Variants in FERMT2 observed in about 807,000 individuals in gnomAD.
The protein encoded by FERMT2 is fermitin family homolog 2.
FERMT2 carries 15 observed loss-of-function variants against 82.7 expected under a neutral mutation model. The ratio of observed to expected loss-of-function variants is 0.18; its 90% CI spans 0.12 to 0.28. The LOEUF is 0.28. Ranked by LOEUF, FERMT2 falls within the 10% of genes least tolerant of loss-of-function variation. FERMT2 has a pLI of 1.00. For synonymous variants in FERMT2, 274 were observed against 271.5 expected, an observed-to-expected ratio of 1.01 and a Z score of -0.09; for missense variants, 645 against 809.4, an observed-to-expected ratio of 0.80 and a Z score of 2.46.
At chr14:52,932,482 C>A (rs1333972028) in intron 2 of FERMT2, among the ~76,000 whole-genome samples, 2 of 152,130 alleles carry the variant, frequency 1.3e-5, no homozygotes, top group African/African-American at 4.8e-5. Flanking sequence ...CACAGACAAA[C>A]TCAAAGAGGT....
At chr14:52,861,469 TTA>T (rs537640805) in intron 12 of FERMT2, 25 of 159,490 alleles carry the variant, frequency 1.6e-4, no homozygotes, top group Non-Finnish European at 2.9e-4. Context: ...CTTCTCAGAT[TTA>T]GTCAGATAAT....
intron 3 of FERMT2, among the ~76,000 whole-genome samples, chr14:52,894,498 T>TA (rs1887138974): frequency 2.0e-5 from 3 of 152,112 alleles, no homozygotes; most frequent in African/African-American, 4.8e-5. Flanking sequence ...TTGGACGACT[T>TA]ACACTAACTG....
chr14:52,860,617 C>T (rs2140048635), intron 12 of FERMT2, 152 bp from the exon 13 acceptor site: 1 of 661,604 alleles, frequency 1.5e-6, no homozygotes. Flanking sequence ...CATTTGGACA[C>T]TGTAATAATG....
intron 7 of FERMT2, among the ~76,000 whole-genome samples, 156 bp downstream of exon 7, chr14:52,878,426 G>T (rs1886097785): frequency 6.6e-6 from 1 of 152,138 alleles, no homozygotes; most frequent in South Asian, 2.1e-4. Context: ...AAACTAAAAT[G>T]TATTTGTTTT....
At chr14:52,872,959 G>T (rs750540329) in intron 9 of FERMT2, 36 bp from the exon 10 acceptor site, 1 of 1,601,858 alleles carries the variant, frequency 6.2e-7, no homozygotes, top group Non-Finnish European at 8.5e-7. Context: ...AAAATCACTT[G>T]GAAGTAACTT....
chr14:52,887,490 AAAAG>A (rs1886681123), intron 4 of FERMT2, among the ~76,000 whole-genome samples: 3 of 152,164 alleles, frequency 2.0e-5, no homozygotes, highest in Admixed American at 6.5e-5. Context: ...CCTTAAAAAA[AAAAG>A]AAAGAAAAAA....
At chr14:52,871,061 G>A (rs1376656743) in intron 10 of FERMT2, among the ~76,000 whole-genome samples, 4 of 152,184 alleles carry the variant, frequency 2.6e-5, no homozygotes, top group Admixed American at 6.5e-5. Flanking sequence ...TGCCAAGGGT[G>A]GCGCAACCTT....
At chr14:52,950,768 T>G (rs1890597794) in intron 1 of FERMT2, 153 bp downstream of exon 1, 1 of 532,886 alleles carries the variant, frequency 1.9e-6, no homozygotes, top group African/African-American at 2.0e-5. Flanking sequence ...GCAGCGTTCC[T>G]CGGTCCCGGC....
At chr14:52,890,747 G>A (rs1180257034) in intron 4 of FERMT2, among the ~76,000 whole-genome samples, 1 of 151,756 alleles carries the variant, frequency 6.6e-6, no homozygotes, top group Non-Finnish European at 1.5e-5. Context: ...GGGATTACAG[G>A]TACCCACCAC....
At chr14:52,892,336 T>C (rs1328019845) in intron 4 of FERMT2, among the ~76,000 whole-genome samples, 1 of 152,014 alleles carries the variant, frequency 6.6e-6, no homozygotes, top group Non-Finnish European at 1.5e-5. Flanking sequence ...AAGATGGGGT[T>C]TCACCACGTT....
At chr14:52,894,123 G>A (rs764455455) in intron 3 of FERMT2, among the ~76,000 whole-genome samples, 3 of 152,078 alleles carry the variant, frequency 2.0e-5, no homozygotes, top group Admixed American at 6.5e-5. Context: ...CACCGTGCCC[G>A]GCCCCAAATC....
chr14:52,901,489 T>C (rs759158507), intron 3 of FERMT2, among the ~76,000 whole-genome samples: 12 of 152,132 alleles, frequency 7.9e-5, no homozygotes, highest in Non-Finnish European at 1.5e-4. Context: ...AGGGAGATTA[T>C]CCTGGGTTAT....
In FERMT2 at chr14:52,945,234, T is replaced by G. The variant is rs967204534; in HGVS notation, c.157+5178A>C. 2.6e-5 allele frequency among the ~76,000 whole-genome samples: 4 copies of G among 151,698 alleles called. No individual in the cohort carries two copies. In the South Asian group the frequency reaches 8.4e-4, roughly 32 times the overall value. On this transcript the variant is annotated intron_variant, in intron 2 of 14. Transcript: ENST00000341590. ...CCAATCCTCAATTGTTCTATGTTTT[T>G]TTGTTGTTGTTTTTTTTTTGTGGGT...
chr14:52,871,734 C>T (rs1176492229), intron 10 of FERMT2: 2 of 152,440 alleles, frequency 1.3e-5, no homozygotes, highest in Non-Finnish European at 2.9e-5. Context: ...ATAGCTGAGG[C>T]TTCATCCAGG....
chr14:52,900,925 T>A (rs1887585993), intron 3 of FERMT2, among the ~76,000 whole-genome samples: 2 of 151,962 alleles, frequency 1.3e-5, no homozygotes, highest in Non-Finnish European at 2.9e-5. Context: ...AGAGGGATGA[T>A]GAGCTAAACT....
intron 2 of FERMT2, among the ~76,000 whole-genome samples, chr14:52,920,854 A>C (rs1594995954): frequency 6.6e-6 from 1 of 152,068 alleles, no homozygotes; most frequent in South Asian, 2.1e-4. Context: ...TGAGGTGGGA[A>C]GATGGACTGA....
intron 4 of FERMT2, among the ~76,000 whole-genome samples, chr14:52,890,314 C>A (rs1337913275): frequency 4.7e-4 from 71 of 149,682 alleles, no homozygotes; most frequent in African/African-American, 1.6e-3. Context: ...TGTGGTGATG[C>A]ACGCCTGTAA....
chr14:52,947,493 T>A (rs1372794472), intron 2 of FERMT2, among the ~76,000 whole-genome samples: 1 of 151,884 alleles, frequency 6.6e-6, no homozygotes, highest in Non-Finnish European at 1.5e-5. Flanking sequence ...AAGTAAAAAA[T>A]AAATAAATAA....
At chr14:52,924,024 A>T (rs1327116198) in intron 2 of FERMT2, among the ~76,000 whole-genome samples, 1 of 152,212 alleles carries the variant, frequency 6.6e-6, no homozygotes, top group Non-Finnish European at 1.5e-5. Context: ...CCTAGTCAGC[A>T]CTACTTGCAG....
Sources: allele counts gnomAD v4.1 joint callset (sites outside exome capture counted in the v4.1 genomes callset), GRCh38; gene constraint gnomAD v4.1.1; transcripts MANE v1.5; gene names NCBI Gene and HGNC (gene_info 2026-07-23, HGNC 2026-07-21).